The following GSK3B variants were observed in gnomAD, a reference collection of about 807,000 sequenced individuals.
GSK3B encodes the protein glycogen synthase kinase 3 beta, also known as glycogen synthase kinase-3 beta.
A neutral mutation model predicts 56.4 loss-of-function variants in GSK3B; 15 were observed. The observed-to-expected ratio is 0.27, with a 90% CI of 0.18 to 0.41. GSK3B has a LOEUF of 0.41. GSK3B is among the 10% of genes least tolerant of loss of function. The pLI, the probability that GSK3B is intolerant of heterozygous loss-of-function variation, is 1.00. For missense variants in GSK3B, 300 were observed against 513.4 expected, an observed-to-expected ratio of 0.58 and a Z score of 4.02; for synonymous variants, 181 against 188.9, an observed-to-expected ratio of 0.96 and a Z score of 0.34.
intron 2 of GSK3B, among the ~76,000 whole-genome samples, chr3:119,989,823 A>C (rs974729859): frequency 8.5e-5 from 13 of 152,096 alleles, no homozygotes; most frequent in Non-Finnish European, 8.8e-5. Flanking sequence ...TTTTTATCTG[A>C]CAGGATCATG....
chr3:119,970,505 C>G (rs2107514659), intron 2 of GSK3B, among the ~76,000 whole-genome samples: 1 of 151,840 alleles, frequency 6.6e-6, no homozygotes, highest in East Asian at 1.9e-4. Flanking sequence ...GGCGCGGTGG[C>G]TCACGCCTGT....
At chr3:120,077,324 G>A (rs2058375622) in intron 1 of GSK3B, among the ~76,000 whole-genome samples, 1 of 152,116 alleles carries the variant, frequency 6.6e-6, no homozygotes, top group Non-Finnish European at 1.5e-5. Flanking sequence ...ATATATATGT[G>A]TGTGTGTACA....
At position 119,826,611 on chromosome 3, in the gene GSK3B, T is replaced by C; in HGVS notation, c.*177A>G. 1 of 686,310 alleles carries C rather than the reference T, an allele frequency of 1.5e-6. No homozygotes were observed. Among genetic ancestry groups the C allele is most frequent in the Non-Finnish European group, 2.7e-6 (1 of 374,218 alleles). The allele number at this position is 686,310 out of a possible 1,614,324, so 42.5% of individuals were successfully genotyped here. On this transcript the variant is annotated 3_prime_UTR_variant, in exon 11 of 11. Transcript: ENST00000264235. ...GTGAGAATACAATGAAATTGGTTTG[T>C]ATTTATAGATATTTTACAAGGTTAA... is the stretch of plus-strand genomic sequence containing the variant.
chr3:119,970,954 TAAAC>T (rs2057361379), intron 2 of GSK3B, among the ~76,000 whole-genome samples: 1 of 152,222 alleles, frequency 6.6e-6, no homozygotes, highest in African/African-American at 2.4e-5. Flanking sequence ...AGACTTTTCT[TAAAC>T]AATTAGAATA....
chr3:120,050,254 C>T (rs956465578), intron 1 of GSK3B, among the ~76,000 whole-genome samples: 1 of 152,200 alleles, frequency 6.6e-6, no homozygotes, highest in African/African-American at 2.4e-5. Context: ...ATCCACCCCC[C>T]ATGAAACAAA....
intron 3 of GSK3B, 27 bp from the exon 4 acceptor site, chr3:119,923,510 AAAAC>A (rs748113256): frequency 2.7e-5 from 30 of 1,119,524 alleles, no homozygotes; most frequent in Admixed American, 6.3e-5. Flanking sequence ...AAAAAAACAA[AAAAC>A]AAAACAGATT....
rs186445025 is a variant in GSK3B, at chr3:120,052,962, C to T, written c.88+40385G>A. ...AAGTCATTTGTTCAAGGTCAGAGTT[C>T]GTAAGTGTTAGAGCTGGGATTCTAA... On this transcript the variant is annotated intron_variant, in intron 1 of 10. Coordinates refer to ENST00000264235, the MANE Select transcript of GSK3B (RefSeq NM_001146156.2). Among the ~76,000 whole-genome samples the T allele has an allele frequency of 1.0e-3, 156 of 152,230 alleles. 2 individuals carry two copies. Among genetic ancestry groups the T allele is most frequent in the Non-Finnish European group, 2.4e-4 (16 of 68,008 alleles).
intron 3 of GSK3B, among the ~76,000 whole-genome samples, chr3:119,942,719 G>C (rs1408657794): frequency 1.3e-5 from 2 of 152,096 alleles, no homozygotes; most frequent in African/African-American, 4.8e-5. Flanking sequence ...TGTTCTATCA[G>C]AGGTCTTCAG....
chr3:120,050,143 C>T (rs1372935872), intron 1 of GSK3B, among the ~76,000 whole-genome samples: 1 of 152,132 alleles, frequency 6.6e-6, no homozygotes, highest in African/African-American at 2.4e-5. Flanking sequence ...TATAACAATC[C>T]ATTATCTCAG....
chr3:119,972,911 A>G (rs2057380428), intron 2 of GSK3B, among the ~76,000 whole-genome samples: 1 of 152,194 alleles, frequency 6.6e-6, no homozygotes, highest in African/African-American at 2.4e-5. Flanking sequence ...CGTTTGTTAC[A>G]ATTGTTTGTC....
intron 7 of GSK3B, among the ~76,000 whole-genome samples, chr3:119,885,080 T>C (rs2056420885): frequency 6.6e-6 from 1 of 151,940 alleles, no homozygotes; most frequent in Non-Finnish European, 1.5e-5. Flanking sequence ...ATTCTATACC[T>C]AGAAAGCCCT....
At chr3:120,038,864 T>C (rs1176797499) in intron 1 of GSK3B, among the ~76,000 whole-genome samples, 1 of 150,026 alleles carries the variant, frequency 6.7e-6, no homozygotes, top group Non-Finnish European at 1.5e-5. Flanking sequence ...AATTAAAAAC[T>C]TCTGCTCTTT....
chr3:119,889,181 T>G (rs1489633493), intron 7 of GSK3B, among the ~76,000 whole-genome samples: 1 of 152,126 alleles, frequency 6.6e-6, no homozygotes, highest in East Asian at 1.9e-4. Context: ...TAAAACTTGC[T>G]GGTTTTGCAG....
At chr3:119,916,294 G>T in intron 4 of GSK3B, 120 bp from the exon 5 acceptor site, 2 of 732,666 alleles carry the variant, frequency 2.7e-6, no homozygotes, top group Non-Finnish European at 4.4e-6. Context: ...TGGATTACTG[G>T]CACTCAATCT....
intron 7 of GSK3B, among the ~76,000 whole-genome samples, chr3:119,902,355 G>T (rs1371349191): frequency 3.9e-5 from 6 of 151,974 alleles, no homozygotes; most frequent in Admixed American, 3.9e-4. Context: ...GAGGGAGGGA[G>T]GGAGGCAAGC....
intron 1 of GSK3B, among the ~76,000 whole-genome samples, chr3:120,062,046 T>C (rs1309748345): frequency 6.6e-6 from 1 of 152,206 alleles, no homozygotes. Context: ...ATGAATTTAT[T>C]ATCCTTTAGC....
chr3:119,878,739 T>C (rs749805047), intron 7 of GSK3B, among the ~76,000 whole-genome samples: 31 of 152,086 alleles, frequency 2.0e-4, no homozygotes, highest in African/African-American at 6.0e-4. Flanking sequence ...AAATGGTACA[T>C]AGCCATACAG....
chr3:119,925,450 G>A (rs1396787038), intron 3 of GSK3B, among the ~76,000 whole-genome samples: 1 of 152,072 alleles, frequency 6.6e-6, no homozygotes, highest in Non-Finnish European at 1.5e-5. Context: ...AGCCTCAACA[G>A]ATGACCTTGC....
intron 9 of GSK3B, among the ~76,000 whole-genome samples, chr3:119,845,489 C>A (rs574745090): frequency 1.3e-5 from 2 of 152,274 alleles, no homozygotes; most frequent in Admixed American, 6.5e-5. Context: ...AAATCAATCT[C>A]AAAAATCACA....
Sources: gnomAD v4.1 joint callset for allele counts (sites outside exome capture counted in the v4.1 genomes callset) on GRCh38, gnomAD v4.1.1 for gene constraint, MANE v1.5 for transcripts, NCBI Gene and HGNC (gene_info 2026-07-23, HGNC 2026-07-21) for gene names.